Variants in MTA3 observed in about 807,000 individuals in gnomAD.
The protein encoded by MTA3 is metastasis associated 1 family member 3, also known as metastasis-associated protein MTA3.
Under a neutral mutation model 83.5 loss-of-function variants are expected in MTA3, and 34 were observed. The observed-to-expected ratio is 0.41, with a 90% CI of 0.31 to 0.54. MTA3 has a LOEUF of 0.54. Ranked by LOEUF, MTA3 falls within the 20% of genes least tolerant of loss-of-function variation. The pLI is 0.33. For missense variants in MTA3, 761 were observed against 726.4 expected, an observed-to-expected ratio of 1.05 and a Z score of -0.55; for synonymous variants, 303 against 252.7, an observed-to-expected ratio of 1.20 and a Z score of -1.89.
chr2:42,608,790 A>G (rs1274224404), intron 3 of MTA3, among the ~76,000 whole-genome samples: 1 of 152,136 alleles, frequency 6.6e-6, no homozygotes, highest in Non-Finnish European at 1.5e-5. Context: ...AGGCTAAGGC[A>G]CAAGAATTGC....
At chr2:42,609,261 C>G (rs1683888373) in intron 3 of MTA3, among the ~76,000 whole-genome samples, 197 bp from the exon 4 acceptor site, 1 of 152,014 alleles carries the variant, frequency 6.6e-6, no homozygotes, top group Non-Finnish European at 1.5e-5. Context: ...AAACACCTGA[C>G]CTCAGGTGAT....
intron 2 of MTA3, among the ~76,000 whole-genome samples, chr2:42,515,733 C>T (rs941339040): frequency 8.6e-5 from 13 of 151,980 alleles, no homozygotes; most frequent in African/African-American, 2.9e-4. Context: ...GAACTCCCGA[C>T]CTCGTGATTC....
chr2:42,553,363 G>C (rs1677213312), intron 2 of MTA3, among the ~76,000 whole-genome samples: 1 of 148,702 alleles, frequency 6.7e-6, no homozygotes, highest in Non-Finnish European at 1.5e-5. Context: ...AGCGGAGCTT[G>C]CAGTGAGCCG....
rs1299291844 is a variant in MTA3, at chr2:42,704,225, A to G, written c.1057A>G (p.Ser353Gly). The change falls in exon 12 of 17, where the codon AGT becomes GGT. Residue 353 changes from serine to glycine, a missense_variant. Ser to Gly is a moderately conservative substitution (Grantham distance 56). Coordinates refer to ENST00000405094, the MANE Select transcript of MTA3 (RefSeq NM_001330442.2). ...SKPNPNQISTSNGKPGAVNGA... is the reference protein window; with the variant it reads ...SKPNPNQISTGNGKPGAVNGA... Reference sequence around the variant, plus strand: ...ACCAAATCCCAACCAAATATCCACTAGTAATGGGAAGCCTGGTGCTGTGAA... The same window carrying G: ...ACCAAATCCCAACCAAATATCCACTGGTAATGGGAAGCCTGGTGCTGTGAA... 1.2e-6 allele frequency: 2 copies of G among 1,613,984 alleles called. No homozygotes were observed. The highest frequency in any genetic ancestry group is 2.2e-5 in the East Asian group (1 of 44,882).
rs1553340662 is a variant in MTA3, at chr2:42,548,810, A to AT, written c.-140-21627_-140-21626insT. Among the ~76,000 whole-genome samples, 36 of 66,488 alleles carry AT rather than the reference A, an allele frequency of 5.4e-4. 2 individuals are homozygous for AT. Among genetic ancestry groups the AT allele is most frequent in the Non-Finnish European group, 6.7e-4 (26 of 38,716 alleles). 43.6% of individuals were successfully genotyped at this position (66,488 alleles called of 152,430 possible). ...AGAGTGAGACCCTGTCTCAAAAAAA[A>AT]ATATATATATATATATATAATATAT... On this transcript the variant is annotated intron_variant, in intron 2 of 17. Transcript: ENST00000405592.
chr2:42,663,034 A>T (rs555097263), intron 8 of MTA3, among the ~76,000 whole-genome samples: 11 of 152,302 alleles, frequency 7.2e-5, no homozygotes, highest in African/African-American at 2.6e-4. Context: ...CTGGCCGGAT[A>T]AAAATACCTT....
At chr2:42,635,084 G>A (rs1401582700) in intron 4 of MTA3, among the ~76,000 whole-genome samples, 2 of 152,090 alleles carry the variant, frequency 1.3e-5, no homozygotes, top group Non-Finnish European at 2.9e-5. Flanking sequence ...CCAATGATTT[G>A]TTTAGACATA....
rs189421555 is a variant in MTA3 at position 42,702,027 on chromosome 2, A to T, written c.1026-2167A>T. On this transcript the variant is annotated intron_variant, in intron 11 of 16. Transcript: ENST00000405094. ...GGAGTTTGAGACCAGCCTGGCCAAC[A>T]TGGTGAAACTCCGTCTCTACTAAAA... Among the ~76,000 whole-genome samples the T allele has an allele frequency of 3.8e-3, 573 of 152,294 alleles. 3 individuals are homozygous for T. The highest frequency in any genetic ancestry group is 0.013 in the African/African-American group (545 of 41,548).
chr2:42,696,450 G>A (rs750296907), intron 10 of MTA3, among the ~76,000 whole-genome samples: 1 of 152,092 alleles, frequency 6.6e-6, no homozygotes, highest in Non-Finnish European at 1.5e-5. Context: ...ACATTTTCCT[G>A]AAATGACATC....
At chr2:42,670,223 C>A (rs977354641) in intron 8 of MTA3, among the ~76,000 whole-genome samples, 16 of 150,858 alleles carry the variant, frequency 1.1e-4, no homozygotes, top group Admixed American at 5.9e-4. Flanking sequence ...TGCGCCATTG[C>A]ACGCCAGCCT....
chr2:42,754,510 A>C lies in MTA3; in HGVS notation c.*1111A>C. 1.0e-6 allele frequency: 1 copy of C among 985,368 alleles called. No individual in the cohort carries two copies. Among genetic ancestry groups the C allele is most frequent in the Non-Finnish European group, 1.2e-6 (1 of 829,988 alleles). The allele number at this position is 985,368 out of a possible 1,614,324, so 61.0% of individuals were successfully genotyped here. A position where few individuals can be genotyped will look rare whatever the true frequency, so the allele number is the denominator to read the frequency against. ...GCCCTTGGTGGCATCACAGTTGGCC[A>C]CTCAGCTGTGCTGAGTAGCTGTGCT... is the stretch of plus-strand genomic sequence containing the variant. On this transcript the variant is annotated 3_prime_UTR_variant, in exon 17 of 17. Transcript: ENST00000405094.
chr2:42,656,335 A>C lies in MTA3; in HGVS notation c.602+33A>C, dbSNP rs769877466. 7 of 1,394,892 alleles carry C rather than the reference A, an allele frequency of 5.0e-6. No individual in the cohort carries two copies. The East Asian group carries it at 7.0e-5, about 14-fold the overall frequency. 86.4% of individuals were successfully genotyped at this position (1,394,892 alleles called of 1,614,324 possible). On this transcript the variant is annotated intron_variant, in intron 7 of 16. Coordinates refer to ENST00000405094, the MANE Select transcript of MTA3 (RefSeq NM_001330442.2). ...TGAGTATGGCATTATTGAGTCAATA[A>C]ATTTCTTTATATAAAAGAATTTATA... is the stretch of plus-strand genomic sequence containing the variant.
chr2:42,630,314 G>C (rs1233255127), intron 4 of MTA3, among the ~76,000 whole-genome samples: 2 of 152,154 alleles, frequency 1.3e-5, no homozygotes, highest in Non-Finnish European at 2.9e-5. Flanking sequence ...TGTCAACCTT[G>C]TGGGGACAGT....
intron 2 of MTA3, among the ~76,000 whole-genome samples, chr2:42,541,242 G>C (rs960483238): frequency 1.3e-5 from 2 of 152,144 alleles, no homozygotes; most frequent in East Asian, 1.9e-4. Flanking sequence ...TGTTGGTCAG[G>C]CTGGTCTCGA....
chr2:42,571,869 C>T (rs1446181390), intron 2 of MTA3, among the ~76,000 whole-genome samples: 1 of 151,794 alleles, frequency 6.6e-6, no homozygotes, highest in African/African-American at 2.4e-5. Context: ...ATTGCTTGAA[C>T]CTGGGAGGCA....
At chr2:42,563,910 G>A (rs1223767976), upstream of MTA3, among the ~76,000 whole-genome samples, 6 of 150,316 alleles carry the variant, frequency 4.0e-5, no homozygotes, top group Non-Finnish European at 8.9e-5. Flanking sequence ...TGCAACCTCC[G>A]CCTCCCAGGT....
intron 16 of MTA3, among the ~76,000 whole-genome samples, chr2:42,737,867 C>T (rs2104575748): frequency 6.6e-6 from 1 of 152,246 alleles, no homozygotes; most frequent in East Asian, 1.9e-4. Context: ...CATTTACAGG[C>T]ATACCTCAGA....
chr2:42,576,148 A>C (rs543673489), intron 2 of MTA3, among the ~76,000 whole-genome samples: 1 of 152,358 alleles, frequency 6.6e-6, no homozygotes, highest in South Asian at 2.1e-4. Context: ...CAAGATGTAC[A>C]TGGTCTCTAC....
chr2:42,504,665 CT>C (rs373215866), intron 2 of MTA3, among the ~76,000 whole-genome samples: 129 of 142,856 alleles, frequency 9.0e-4, no homozygotes, highest in Admixed American at 1.2e-3. Context: ...TTTAAGCTTG[CT>C]TTTTTTTTTT....
Sources: gnomAD v4.1 joint callset for allele counts (sites outside exome capture counted in the v4.1 genomes callset) on GRCh38, gnomAD v4.1.1 for gene constraint, MANE v1.5 for transcripts, NCBI Gene and HGNC (gene_info 2026-07-23, HGNC 2026-07-21) for gene names.